EIF4G3: variants seen among roughly 807,000 people sequenced by gnomAD.
EIF4G3 encodes the protein eIF-4-gamma 3.
Under a neutral mutation model 186.4 loss-of-function variants are expected in EIF4G3, and 34 were observed. The observed-to-expected ratio is 0.18, with a 90% CI of 0.14 to 0.24. EIF4G3 has a LOEUF of 0.24. Among genes scored for constraint, EIF4G3 ranks in the 10% least tolerant of loss-of-function variants. The probability of loss-of-function intolerance (pLI) is 1.00; values close to 1 mark genes in which losing one functional copy is unlikely to be tolerated. For synonymous variants in EIF4G3, 673 were observed against 679.5 expected (o/e 0.99, Z 0.15); for missense variants, 1,536 against 1,948.5 (o/e 0.79, Z 3.99).
intron 4 of EIF4G3, among the ~76,000 whole-genome samples, chr1:21,020,160 C>A (rs1380712756): frequency 6.6e-6 from 1 of 152,230 alleles, no homozygotes; most frequent in Middle Eastern, 3.4e-3. Flanking sequence ...CTATGCTGAA[C>A]TCAGGCTTTG....
intron 12 of EIF4G3, among the ~76,000 whole-genome samples, chr1:20,958,849 G>A (rs981441061): frequency 2.0e-5 from 3 of 152,072 alleles, no homozygotes; most frequent in African/African-American, 7.2e-5. Flanking sequence ...AACTAAGGAG[G>A]TGAAAATCTC....
chr1:20,983,918 A>C (rs887971180), intron 7 of EIF4G3, among the ~76,000 whole-genome samples: 1 of 152,154 alleles, frequency 6.6e-6, no homozygotes, highest in Non-Finnish European at 1.5e-5. Flanking sequence ...GTTTTCCAAA[A>C]ATTTTAACAG....
Position 20,807,415 on chromosome 1 carries a change from G to A in EIF4G3, c.4830C>T (p.Asp1610=), listed in dbSNP as rs1374885420. The change falls in exon 37 of 37, where the codon GAC becomes GAT. Residue 1610 remains aspartate (D), a synonymous_variant. Coordinates refer to ENST00000602326, the MANE Select transcript of EIF4G3 (RefSeq NM_001391906.1). ...CGCCCTTCCCATTCTGCTCTGCAGG[G>A]TCCTTGCTGCTCTCCCATTTGTAGA... The part of the protein sequence containing the change: ...DAFYKWESSK[D]PAEQNGKGVA... The A allele has an allele frequency of 6.2e-7, 1 of 1,612,886 alleles. No homozygotes were observed. Among genetic ancestry groups the A allele is most frequent in the African/African-American group, 1.3e-5 (1 of 75,016 alleles).
At chr1:21,090,728 A>G (rs2096167580) in intron 2 of EIF4G3, among the ~76,000 whole-genome samples, 1 of 152,120 alleles carries the variant, frequency 6.6e-6, no homozygotes, top group Non-Finnish European at 1.5e-5. Flanking sequence ...ACCTTGCCCC[A>G]CTCCACTACA....
At chr1:20,959,750 C>G (rs1399915893) in intron 12 of EIF4G3, among the ~76,000 whole-genome samples, 3 of 151,502 alleles carry the variant, frequency 2.0e-5, no homozygotes, top group African/African-American at 7.3e-5. Flanking sequence ...AAAAAAGATA[C>G]ATAAATTGGC....
chr1:20,873,020 A>G (rs1402824226), intron 20 of EIF4G3, among the ~76,000 whole-genome samples: 3 of 152,212 alleles, frequency 2.0e-5, no homozygotes, highest in Non-Finnish European at 4.4e-5. Flanking sequence ...TACAGCTGTG[A>G]GCCACTGCGC....
At chr1:20,845,029 T>A (rs1246175696) in intron 29 of EIF4G3, among the ~76,000 whole-genome samples, 1 of 152,210 alleles carries the variant, frequency 6.6e-6, no homozygotes, top group Admixed American at 6.5e-5. Context: ...GGCATCTTCA[T>A]CATGAAATCT....
intron 2 of EIF4G3, among the ~76,000 whole-genome samples, chr1:21,160,942 G>GGGT (rs549547481): frequency 6.6e-6 from 1 of 152,122 alleles, no homozygotes; most frequent in Non-Finnish European, 1.5e-5. Context: ...AGGCAAAGGT[G>GGGT]GGTGGATCAC....
At position 20,841,730 on chromosome 1, in the gene EIF4G3, T is replaced by G. The variant is rs561054670; in HGVS notation, c.3889-702A>C. On this transcript the variant is annotated intron_variant, in intron 29 of 36. Transcript: ENST00000602326. ...ATATCTTTGGTCTGAAGGGTGAAAGTCGGTCAGCCAGAGTTGCTGATACAC... is the reference window on the plus strand; with the variant it reads ...ATATCTTTGGTCTGAAGGGTGAAAGGCGGTCAGCCAGAGTTGCTGATACAC... Among the ~76,000 whole-genome samples, 11 of 152,360 alleles carry G rather than the reference T, an allele frequency of 7.2e-5. No individual in the cohort carries two copies. In the South Asian group the frequency reaches 2.1e-3, roughly 29 times the overall value.
chr1:21,113,722 A>C (rs1266282302), intron 2 of EIF4G3, among the ~76,000 whole-genome samples: 4 of 152,142 alleles, frequency 2.6e-5, no homozygotes, highest in African/African-American at 9.7e-5. Flanking sequence ...CAGTATCAAA[A>C]ATCTTATCTG....
rs34780982 is a variant in EIF4G3, at chr1:21,152,339, C to CAAAAA, written c.-272+23831_-272+23835dup. Among the ~76,000 whole-genome samples the CAAAAA allele has an allele frequency of 1.1e-4, 11 of 103,570 alleles. 2 individuals carry two copies. Among genetic ancestry groups the CAAAAA allele is most frequent in the Non-Finnish European group, 1.4e-4 (8 of 56,046 alleles). The allele number at this position is 103,570 out of a possible 152,430, so 67.9% of individuals were successfully genotyped here. A position where few individuals can be genotyped will look rare whatever the true frequency, so the allele number is the denominator to read the frequency against. On this transcript the variant is annotated intron_variant, in intron 2 of 36. Transcript: ENST00000602326. ...GCAACAGAGCGAGACCCTGTCTCTA[C>CAAAAA]AAAAAAAAAAAAAGCAAATAAAATT...
intron 13 of EIF4G3, among the ~76,000 whole-genome samples, chr1:20,943,974 T>TTGTGTGTGTGTGTGTGTGTG (rs1163268356): frequency 1.6e-5 from 1 of 62,468 alleles, no homozygotes; most frequent in African/African-American, 5.5e-5. Flanking sequence ...TTTATTTTTT[T>TTGTGTGTGTGTGTGTGTGTG]TGTGTGTGTG....
intron 12 of EIF4G3, among the ~76,000 whole-genome samples, chr1:20,952,573 G>A (rs762681296): frequency 6.6e-6 from 1 of 152,192 alleles, no homozygotes; most frequent in Non-Finnish European, 1.5e-5. Context: ...ACCAGGCCAG[G>A]TGTTGTGGCT....
chr1:20,918,889 G>T (rs2094209375), intron 14 of EIF4G3, among the ~76,000 whole-genome samples: 1 of 151,686 alleles, frequency 6.6e-6, no homozygotes, highest in Non-Finnish European at 1.5e-5. Context: ...GTCAGATTTG[G>T]TTCCACAAAG....
At chr1:21,154,752 T>A (rs1208862576) in intron 2 of EIF4G3, among the ~76,000 whole-genome samples, 1 of 152,230 alleles carries the variant, frequency 6.6e-6, no homozygotes, top group Non-Finnish European at 1.5e-5. Context: ...ATATATGCTA[T>A]GTATCTATGC....
chr1:20,807,755 GTTTTTTTTTTT>G (rs67864326), intron 36 of EIF4G3, among the ~76,000 whole-genome samples: 2 of 63,878 alleles, frequency 3.1e-5, no homozygotes, highest in East Asian at 5.9e-4. Context: ...CTTTTTTTCT[GTTTTTTTTTTT>G]TTTTTTTTTT....
At chr1:20,978,143 A>G (rs1475517428) in intron 10 of EIF4G3, among the ~76,000 whole-genome samples, 1 of 152,184 alleles carries the variant, frequency 6.6e-6, no homozygotes, top group Non-Finnish European at 1.5e-5. Context: ...ACTCTCAAAA[A>G]TAATTACTTG....
chr1:20,886,053 A>AT, intron 19 of EIF4G3, 148 bp downstream of exon 19: 1 of 1,004,480 alleles, frequency 1.0e-6, no homozygotes, highest in East Asian at 2.6e-5. Flanking sequence ...CCTGGCATCC[A>AT]TAATGGCTTT....
chr1:21,171,928 C>A (rs2097982553), intron 2 of EIF4G3, among the ~76,000 whole-genome samples: 1 of 151,850 alleles, frequency 6.6e-6, no homozygotes, highest in Admixed American at 6.6e-5. Context: ...TGTTTCTAAG[C>A]CAAAGTCTAG....
Sources: gnomAD v4.1 joint callset for allele counts (sites outside exome capture counted in the v4.1 genomes callset) on GRCh38, gnomAD v4.1.1 for gene constraint, MANE v1.5 for transcripts, NCBI Gene and HGNC (gene_info 2026-07-23, HGNC 2026-07-21) for gene names.